The following SND1 variants were observed in gnomAD, a reference collection of about 807,000 sequenced individuals.
The protein encoded by SND1 is staphylococcal nuclease domain-containing protein 1.
Under a neutral mutation model 121.7 loss-of-function variants are expected in SND1, and 38 were observed. The ratio of observed to expected loss-of-function variants is 0.31; its 90% CI spans 0.24 to 0.41. The LOEUF (loss-of-function observed/expected upper bound fraction) is 0.41. Ranked by LOEUF, SND1 falls within the 10% of genes least tolerant of loss-of-function variation. The pLI, the probability that SND1 is intolerant of heterozygous loss-of-function variation, is 1.00. For synonymous variants in SND1, 401 were observed against 447.4 expected (o/e 0.90, Z 1.31); for missense variants, 868 against 1,184.6 (o/e 0.73, Z 3.92).
Position 127,701,172 on chromosome 7 carries a change from G to A in SND1, c.438G>A (p.Gln146=). The change falls in exon 5 of 24, where the codon CAG becomes CAA. Residue 146 remains glutamine, a synonymous_variant. Transcript: ENST00000354725. ...ATTTTTTATGTCCCAGTCCTGAGCA[G>A]AACCGGCTTTCAGAATGTGAAGAAC... ...REGMRANNPE[Q]NRLSECEEQA... is the part of the protein sequence containing the mutation. The A allele has an allele frequency of 6.2e-7, 1 of 1,614,000 alleles. No individual in the cohort carries two copies. The highest frequency in any genetic ancestry group is 8.5e-7 in the Non-Finnish European group (1 of 1,179,930).
chr7:127,729,887 T>C (rs933994462), intron 10 of SND1, among the ~76,000 whole-genome samples: 2 of 152,238 alleles, frequency 1.3e-5, no homozygotes, highest in African/African-American at 4.8e-5. Flanking sequence ...AGGCATATTT[T>C]TGATGTCACT....
At chr7:127,702,359 G>C in intron 5 of SND1, 76 bp from the exon 6 acceptor site, 1 of 1,316,970 alleles carries the variant, frequency 7.6e-7, no homozygotes, top group East Asian at 2.3e-5. Flanking sequence ...ACTGTGTTAA[G>C]TGCAGTTTGA....
intron 10 of SND1, among the ~76,000 whole-genome samples, chr7:127,801,852 T>C (rs1004458606): frequency 2.0e-5 from 3 of 151,888 alleles, no homozygotes; most frequent in Non-Finnish European, 4.4e-5. Flanking sequence ...ATAGAACTCT[T>C]TTTTTTTGAG....
At chr7:127,934,702 C>CA (rs1801022461) in intron 15 of SND1, among the ~76,000 whole-genome samples, 1 of 152,040 alleles carries the variant, frequency 6.6e-6, no homozygotes. Context: ...AAGAGCAACA[C>CA]AAAAGTAAGA....
intron 4 of SND1, among the ~76,000 whole-genome samples, chr7:127,700,753 G>A (rs1042416923): frequency 1.2e-4 from 18 of 152,160 alleles, no homozygotes; most frequent in African/African-American, 4.3e-4. Context: ...TAAACTGAGA[G>A]AGAGAAAGAG....
chr7:127,960,108 CTAGCAGCACCT>C (rs1801695506), intron 15 of SND1, among the ~76,000 whole-genome samples: 2 of 152,210 alleles, frequency 1.3e-5, no homozygotes, highest in African/African-American at 4.8e-5. Flanking sequence ...CAAGACCAAT[CTAGCAGCACCT>C]CTGCTTCTGT....
intron 15 of SND1, among the ~76,000 whole-genome samples, chr7:127,983,896 T>C (rs1802324108): frequency 6.6e-6 from 1 of 152,128 alleles, no homozygotes; most frequent in Non-Finnish European, 1.5e-5. Flanking sequence ...GTTTTTCCGA[T>C]ATGGCGTCCA....
chr7:127,952,480 G>A (rs914466909), intron 15 of SND1, among the ~76,000 whole-genome samples: 12 of 152,158 alleles, frequency 7.9e-5, no homozygotes, highest in African/African-American at 1.4e-4. Flanking sequence ...AAACACAAAC[G>A]TCTCTGAGAA....
intron 10 of SND1, among the ~76,000 whole-genome samples, chr7:127,745,415 C>T (rs1796963617): frequency 6.6e-6 from 1 of 152,208 alleles, no homozygotes; most frequent in African/African-American, 2.4e-5. Context: ...GACTACTCAA[C>T]TGTGTGACAA....
At chr7:128,082,636 T>C (rs1033270477) in intron 18 of SND1, among the ~76,000 whole-genome samples, 14 of 152,158 alleles carry the variant, frequency 9.2e-5, no homozygotes, top group African/African-American at 2.7e-4. Flanking sequence ...CTCCAGCAGT[T>C]GCCTGAATGA....
At chr7:128,047,580 G>T (rs1443173636) in intron 16 of SND1, among the ~76,000 whole-genome samples, 1 of 152,178 alleles carries the variant, frequency 6.6e-6, no homozygotes, top group Non-Finnish European at 1.5e-5. Context: ...GTGAATTCTG[G>T]CTAAATCCTA....
At chr7:127,871,868 C>T (rs1563042633) in intron 12 of SND1, among the ~76,000 whole-genome samples, 1 of 152,142 alleles carries the variant, frequency 6.6e-6, no homozygotes, top group Non-Finnish European at 1.5e-5. Context: ...GAGGGACTCA[C>T]ACCTGTAATC....
At chr7:127,923,532 C>G (rs1023171387) in intron 14 of SND1, among the ~76,000 whole-genome samples, 1 of 152,146 alleles carries the variant, frequency 6.6e-6, no homozygotes, top group African/African-American at 2.4e-5. Context: ...AGTATCCTCC[C>G]CCCGCAGGGT....
At chr7:127,841,887 A>G (rs1016578839) in intron 11 of SND1, among the ~76,000 whole-genome samples, 1 of 152,126 alleles carries the variant, frequency 6.6e-6, no homozygotes, top group Non-Finnish European at 1.5e-5. Flanking sequence ...AGTCATCTTT[A>G]TATTTTCTTA....
intron 9 of SND1, among the ~76,000 whole-genome samples, chr7:127,712,057 C>G (rs1220449139): frequency 3.9e-5 from 6 of 151,954 alleles, no homozygotes; most frequent in Non-Finnish European, 7.4e-5. Flanking sequence ...AGGCTTTCCT[C>G]AGATATTTGC....
chr7:127,843,561 A>G (rs2116646458), intron 11 of SND1, among the ~76,000 whole-genome samples: 1 of 152,256 alleles, frequency 6.6e-6, no homozygotes, highest in East Asian at 1.9e-4. Flanking sequence ...ATGTCTTTTC[A>G]TGGCTTGATA....
Position 127,867,553 on chromosome 7 carries a change from C to T in SND1, c.1344-20349C>T, listed in dbSNP as rs764962428. On this transcript the variant is annotated intron_variant, in intron 12 of 23. Coordinates refer to ENST00000354725, the MANE Select transcript of SND1 (RefSeq NM_014390.4). ...TTGATGGTGTCACCATTTACATAGT[C>T]TTTTAGTCTAGAGATCATGTTGTCG... Among the ~76,000 whole-genome samples, 39 of 152,136 alleles carry T rather than the reference C, an allele frequency of 2.6e-4. 1 individual carries two copies. The highest frequency in any genetic ancestry group is 2.0e-4 in the Admixed American group (3 of 15,264).
At position 127,798,268 on chromosome 7, in the gene SND1, G is replaced by GT. The variant is rs1252501967; in HGVS notation, c.1153-9213dup. Among the ~76,000 whole-genome samples the GT allele has an allele frequency of 1.1e-4, 17 of 152,296 alleles. No homozygotes were observed. The South Asian group carries it at 2.9e-3, about 26-fold the overall frequency. ...CCAGGGGACATTTGTAATCAAGACTGTTTCTTGGAATTGCCACTGCCTCTT... is the reference window on the plus strand; with the variant it reads ...CCAGGGGACATTTGTAATCAAGACTGTTTTCTTGGAATTGCCACTGCCTCTT... On this transcript the variant is annotated intron_variant, in intron 10 of 23. Transcript: ENST00000354725.
chr7:128,081,609 C>T lies in SND1; in HGVS notation c.2110+108C>T. ...GTGGGAGGAACAATGCCTAGGCAGT[C>T]CAGGAGCCTCCCCTGAAGAGCTCAC... On this transcript the variant is annotated intron_variant, in intron 18 of 23. Transcript: ENST00000354725. The T allele has an allele frequency of 2.3e-6, 3 of 1,298,136 alleles. No individual in the cohort carries two copies. The East Asian group carries it at 7.2e-5, about 31-fold the overall frequency. 80.4% of individuals were successfully genotyped at this position (1,298,136 alleles called of 1,614,324 possible).
Sources: gnomAD v4.1 joint callset for allele counts (sites outside exome capture counted in the v4.1 genomes callset) on GRCh38, gnomAD v4.1.1 for gene constraint, MANE v1.5 for transcripts, NCBI Gene and HGNC (gene_info 2026-07-23, HGNC 2026-07-21) for gene names.